The following VPS8 variants were observed in gnomAD, a reference collection of about 807,000 sequenced individuals.
The protein encoded by VPS8 is VPS8 subunit of CORVET complex, also known as vacuolar protein sorting-associated protein 8 homolog.
In VPS8, 129 loss-of-function variants were observed where a neutral mutation model predicts 216.4. That is an observed-to-expected ratio of 0.60 (90% CI 0.52 to 0.69). VPS8 has a LOEUF of 0.69. Ranked by LOEUF, VPS8 falls within the 30% of genes least tolerant of loss-of-function variation. VPS8 has a pLI of 0.00. For missense variants in VPS8, 1,531 were observed against 1,683.5 expected (o/e 0.91, Z 1.59); for synonymous variants, 571 against 565.4 (o/e 1.01, Z -0.14).
At chr3:184,896,865 T>C (rs780249710) in intron 23 of VPS8, among the ~76,000 whole-genome samples, 1 of 152,214 alleles carries the variant, frequency 6.6e-6, no homozygotes, top group African/African-American at 2.4e-5. Context: ...CTACCTTAGA[T>C]TGGCTAATTA....
chr3:184,979,060 C>T (rs1749765166), intron 40 of VPS8, among the ~76,000 whole-genome samples: 1 of 151,774 alleles, frequency 6.6e-6, no homozygotes, highest in Non-Finnish European at 1.5e-5. Context: ...TTGTTTTTAC[C>T]CAAAAGTCAT....
intron 21 of VPS8, among the ~76,000 whole-genome samples, chr3:184,883,783 G>A (rs950671505): frequency 6.6e-6 from 1 of 151,992 alleles, no homozygotes; most frequent in Non-Finnish European, 1.5e-5. Flanking sequence ...TTAGTACCAG[G>A]CCAGGCACTT....
In VPS8 at chr3:185,005,564, A is replaced by G. The variant is rs1165160384; in HGVS notation, c.4002+5703A>G. Among the ~76,000 whole-genome samples, 3 of 152,002 alleles carry G rather than the reference A, an allele frequency of 2.0e-5. No individual in the cohort carries two copies. The East Asian group carries it at 5.8e-4, about 29-fold the overall frequency. On this transcript the variant is annotated intron_variant, in intron 45 of 47. Coordinates refer to ENST00000625842, the MANE Select transcript of VPS8 (RefSeq NM_001009921.3). ...GTGATTTCTTTCAGCAGTGTTTTGT[A>G]GTTTTCCTTGTAGAGGTCTTTCAAC...
chr3:185,026,410 C>CTTTTTTT (rs3045678), intron 46 of VPS8, among the ~76,000 whole-genome samples: 1 of 119,122 alleles, frequency 8.4e-6, no homozygotes, highest in Non-Finnish European at 1.7e-5. Context: ...GGCTGTATTT[C>CTTTTTTT]TTTTTTTTTT....
chr3:184,838,134 A>T (rs976255441), intron 5 of VPS8, among the ~76,000 whole-genome samples: 71 of 152,338 alleles, frequency 4.7e-4, no homozygotes, highest in African/African-American at 1.7e-3. Context: ...CTTTGAACAG[A>T]TGAGGAGACT....
chr3:184,940,312 A>C, intron 36 of VPS8, 69 bp downstream of exon 36: 1 of 643,258 alleles, frequency 1.6e-6, no homozygotes, highest in Non-Finnish European at 2.2e-6. Context: ...GAAATAAATA[A>C]AGTTACCAGC....
At chr3:184,896,254 T>C (rs976944969) in intron 23 of VPS8, among the ~76,000 whole-genome samples, 1 of 152,168 alleles carries the variant, frequency 6.6e-6, no homozygotes, top group African/African-American at 2.4e-5. Context: ...ATGTTGTCCA[T>C]CTAGTTTTGC....
chr3:184,818,763 T>C lies in VPS8; in HGVS notation c.-88-5782T>C, dbSNP rs1716902738. ...AAATAAAAACTTGATTCTATTTCATTGTAATGTGAAAAAGTATCTCATATG... is the reference window on the plus strand; with the variant it reads ...AAATAAAAACTTGATTCTATTTCATCGTAATGTGAAAAAGTATCTCATATG... On this transcript the variant is annotated intron_variant, in intron 1 of 47. Coordinates refer to ENST00000625842, the MANE Select transcript of VPS8 (RefSeq NM_001009921.3). 2.0e-5 allele frequency among the ~76,000 whole-genome samples: 3 copies of C among 152,196 alleles called. No individual in the cohort carries two copies. In the South Asian group the frequency reaches 6.2e-4, roughly 32 times the overall value.
rs1054968552 is a variant in VPS8, at chr3:184,893,232, A to G, written c.1782-1471A>G. 8 of 1,276,778 alleles carry G rather than the reference A, an allele frequency of 6.3e-6. No individual in the cohort carries two copies. In the African/African-American group the frequency reaches 1.1e-4, roughly 17 times the overall value. The allele number at this position is 1,276,778 out of a possible 1,614,324, so 79.1% of individuals were successfully genotyped here. A position where few individuals can be genotyped will look rare whatever the true frequency, so the allele number is the denominator to read the frequency against. ...GTCTGTTTTCCATCTGTCCCCTTCC[A>G]GGACTTCAGATGAGTCAAAACCCCA... On this transcript the variant is annotated intron_variant, in intron 22 of 47. Coordinates refer to ENST00000625842, the MANE Select transcript of VPS8 (RefSeq NM_001009921.3).
chr3:184,858,503 G>C (rs1203759672), intron 14 of VPS8, among the ~76,000 whole-genome samples: 1 of 152,110 alleles, frequency 6.6e-6, no homozygotes, highest in Non-Finnish European at 1.5e-5. Context: ...AGAGAAATGG[G>C]TGCCCTTTAT....
Position 184,929,599 on chromosome 3 carries a change from A to T in VPS8, c.2734A>T (p.Met912Leu), listed in dbSNP as rs569919426. 86 of 1,530,068 alleles carry T rather than the reference A, an allele frequency of 5.6e-5. 1 individual carries two copies. The South Asian group carries it at 9.6e-4, about 17-fold the overall frequency. 94.8% of individuals were successfully genotyped at this position (1,530,068 alleles called of 1,614,324 possible). The change falls in exon 33 of 48, where the codon ATG becomes TTG. Residue 912 changes from methionine (M) to leucine (L), a missense_variant. Physicochemically the swap from Met to Leu is conservative, Grantham distance 15. Transcript: ENST00000625842. ...TTCTAGCTATCAAATTTGTGAATTTATGTATGAAAGAGAACACCAATATGA... is the reference window on the plus strand; with the variant it reads ...TTCTAGCTATCAAATTTGTGAATTTTTGTATGAAAGAGAACACCAATATGA... Reference protein sequence around the residue: ...KAEFYQICEFMYEREHQYDKI... With the variant: ...KAEFYQICEFLYEREHQYDKI...
Position 185,052,023 on chromosome 3 carries a change from T to C in VPS8, c.4285T>C (p.Ter1429ArgextTer1). Residue 1429 changes from the stop codon to arginine, a stop_lost, in exon 48 of 48, where the codon TGA becomes CGA. Transcript: ENST00000625842. ...QLIPPPVTED* is the reference protein window; with the variant it reads ...QLIPPPVTEDR ...CATTCCTCCACCTGTGACTGAGGATTGATGACTCCATGGAGCCTGGCCCAG... is the reference window on the plus strand; with the variant it reads ...CATTCCTCCACCTGTGACTGAGGATCGATGACTCCATGGAGCCTGGCCCAG... 6.2e-7 allele frequency: 1 copy of C among 1,611,558 alleles called. No individual in the cohort carries two copies. Among genetic ancestry groups the C allele is most frequent in the Non-Finnish European group, 8.5e-7 (1 of 1,178,964 alleles).
chr3:184,869,331 A>G (rs552654296), intron 19 of VPS8, 151 bp from the exon 20 acceptor site: 9 of 761,162 alleles, frequency 1.2e-5, no homozygotes, highest in South Asian at 7.4e-5. Context: ...AGGTGTTCCT[A>G]TTATGGTGTA....
chr3:184,898,495 A>G, intron 23 of VPS8, 70 bp from the exon 24 acceptor site: 2 of 1,217,538 alleles, frequency 1.6e-6, no homozygotes, highest in African/African-American at 1.5e-5. Context: ...GACCTTTCCC[A>G]TTCTTAAAGC....
intron 14 of VPS8, among the ~76,000 whole-genome samples, chr3:184,858,797 C>T (rs556551971): frequency 6.6e-6 from 1 of 152,166 alleles, no homozygotes; most frequent in East Asian, 1.9e-4. Flanking sequence ...TTGCCATGAC[C>T]TTTGCTCTTG....
intron 45 of VPS8, among the ~76,000 whole-genome samples, chr3:185,015,474 A>G (rs1446388820): frequency 3.3e-5 from 5 of 152,246 alleles, no homozygotes; most frequent in East Asian, 1.9e-4. Context: ...CAATACCTCA[A>G]TTACAGCTAC....
chr3:184,872,880 G>A (rs548998055), intron 21 of VPS8, among the ~76,000 whole-genome samples: 59 of 152,156 alleles, frequency 3.9e-4, no homozygotes, highest in Admixed American at 3.1e-3. Flanking sequence ...CATTCAAGGA[G>A]AAAGTAATGT....
chr3:184,964,256 G>GA (rs1337737010), intron 37 of VPS8, among the ~76,000 whole-genome samples: 2 of 151,704 alleles, frequency 1.3e-5, no homozygotes, highest in Admixed American at 6.6e-5. Context: ...ATAAATAAAT[G>GA]AAAAAAATGA....
chr3:184,917,842 A>G (rs1257848173), intron 28 of VPS8, among the ~76,000 whole-genome samples: 1 of 152,244 alleles, frequency 6.6e-6, no homozygotes, highest in Admixed American at 6.5e-5. Context: ...AACAAAATGC[A>G]TAGATTGGGT....
Sources: gnomAD v4.1 joint callset for allele counts (sites outside exome capture counted in the v4.1 genomes callset) on GRCh38, gnomAD v4.1.1 for gene constraint, MANE v1.5 for transcripts, NCBI Gene and HGNC (gene_info 2026-07-23, HGNC 2026-07-21) for gene names.